Variants in TATDN3 observed in about 807,000 individuals in gnomAD.
TATDN3 encodes the protein deoxyribonuclease TATDN3.
A neutral mutation model predicts 40.1 loss-of-function variants in TATDN3; 29 were observed. The observed-to-expected ratio is 0.72, with a 90% CI of 0.54 to 0.99. The LOEUF is 0.99. Among genes scored for constraint, TATDN3 ranks in the 50% least tolerant of loss-of-function variants. TATDN3 has a pLI of 0.00. For missense variants in TATDN3, 309 were observed against 321.9 expected (o/e 0.96, Z 0.31); for synonymous variants, 105 against 117.0 (o/e 0.90, Z 0.66).
In TATDN3 at chr1:212,815,092, T is replaced by C. The variant is rs1172838305; in HGVS notation, c.761T>C (p.Ile254Thr). 3 of 1,614,192 alleles carry C rather than the reference T, an allele frequency of 1.9e-6. No homozygotes were observed. Among genetic ancestry groups the C allele is most frequent in the Admixed American group, 1.7e-5 (1 of 60,016 alleles). Residue 254 changes from isoleucine (I) to threonine (T), a missense_variant, in exon 10 of 10, where the codon ATA (isoleucine) becomes ACA (threonine). By Grantham distance (89) the Ile-to-Thr change is moderately conservative (BLOSUM62 -1). Coordinates refer to ENST00000366974, the MANE Select transcript of TATDN3 (RefSeq NM_001042552.3). ...AAAGGGATCTCAGTGGAAGAAGTTA[T>C]AGAAGTGACGACACAGAATGCATTA... is the stretch of plus-strand genomic sequence containing the variant. ...QVKGISVEEV[I>T]EVTTQNALKL...
At chr1:212,796,140 T>C in intron 2 of TATDN3, among the ~76,000 whole-genome samples, 1 of 152,272 alleles carries the variant, frequency 6.6e-6, no homozygotes, top group East Asian at 1.9e-4. Context: ...CAAAAAATGA[T>C]ACAGCCAGAA....
intron 6 of TATDN3, 58 bp from the exon 7 acceptor site, chr1:212,804,538 G>A: frequency 5.1e-6 from 8 of 1,580,464 alleles, no homozygotes; most frequent in Non-Finnish European, 6.9e-6. Flanking sequence ...TACTTTAATA[G>A]ATCAAAAACA....
chr1:212,815,528 CTT>C lies in TATDN3; in HGVS notation c.*385_*386del, dbSNP rs11322576. 120 of 147,888 alleles carry C rather than the reference CTT, an allele frequency of 8.1e-4. No individual in the cohort carries two copies. The highest frequency in any genetic ancestry group is 1.7e-3 in the South Asian group (8 of 4,698). 9.2% of individuals were successfully genotyped at this position (147,888 alleles called of 1,614,324 possible). ...TGAGGATGGAGTAAGCTAAAGTATA[CTT>C]TTTTTTTTTTTTGATGGAGTTTCGC... On this transcript the variant is annotated 3_prime_UTR_variant, in exon 10 of 10. Transcript: ENST00000366974.
rs1189899545 is a variant in TATDN3, at chr1:212,812,356, T to C, written c.681+28T>C. On this transcript the variant is annotated intron_variant, in intron 9 of 9. Coordinates refer to ENST00000366974, the MANE Select transcript of TATDN3 (RefSeq NM_001042552.3). Reference sequence around the variant, plus strand: ...AAATGGTTTTCTAATTTCTATATTATTTAGATTGTATCTTTCATTTGAGTT... The same window carrying C: ...AAATGGTTTTCTAATTTCTATATTACTTAGATTGTATCTTTCATTTGAGTT... 4 of 1,155,270 alleles carry C rather than the reference T, an allele frequency of 3.5e-6. No homozygotes were observed. In the African/African-American group the frequency reaches 6.3e-5, roughly 18 times the overall value. The allele number at this position is 1,155,270 out of a possible 1,614,324, so 71.6% of individuals were successfully genotyped here.
chr1:212,804,740 GA>G (rs1662357807), intron 7 of TATDN3, 89 bp downstream of exon 7: 1 of 1,238,046 alleles, frequency 8.1e-7, no homozygotes, highest in Non-Finnish European at 1.2e-6. Flanking sequence ...GTTTTAATCT[GA>G]TTTCTTGAAG....
intron 7 of TATDN3, among the ~76,000 whole-genome samples, chr1:212,804,910 C>T (rs755875921): frequency 6.6e-6 from 1 of 152,144 alleles, no homozygotes; most frequent in Non-Finnish European, 1.5e-5. Context: ...TAAAAATTAG[C>T]AGCTTCATAA....
In TATDN3 at chr1:212,803,141, A is replaced by T. The variant is rs987327447; in HGVS notation, c.321+378A>T. 2.6e-5 allele frequency among the ~76,000 whole-genome samples: 4 copies of T among 152,036 alleles called. No homozygotes were observed. The South Asian group carries it at 8.3e-4, about 32-fold the overall frequency. ...GTAATTAAAGAACTTTTTTATTTAA[A>T]TAATTTATAATTGTGAATTTTTTTT... On this transcript the variant is annotated intron_variant, in intron 5 of 9. Transcript: ENST00000366974.
intron 8 of TATDN3, among the ~76,000 whole-genome samples, chr1:212,808,953 G>A (rs958296459): frequency 5.3e-5 from 8 of 152,092 alleles, no homozygotes; most frequent in African/African-American, 1.7e-4. Context: ...CTAGATTTCC[G>A]TCAGCTGATG....
rs564869953 is a variant in TATDN3 at position 212,798,478 on chromosome 1, C to T, written c.258+1282C>T. Among the ~76,000 whole-genome samples the T allele has an allele frequency of 3.4e-4, 48 of 141,724 alleles. 2 individuals carry two copies. Among genetic ancestry groups the T allele is most frequent in the East Asian group, 2.6e-3 (12 of 4,700 alleles). 93.0% of individuals were successfully genotyped at this position (141,724 alleles called of 152,430 possible). A position where few individuals can be genotyped will look rare whatever the true frequency, so the allele number is the denominator to read the frequency against. On this transcript the variant is annotated intron_variant, in intron 4 of 9. Coordinates refer to ENST00000366974, the MANE Select transcript of TATDN3 (RefSeq NM_001042552.3). The stretch of plus-strand genomic sequence containing the variant: ...TTGGGAGGCCGAGATGGGAGGACCA[C>T]TTGAGCTCAGGAGTTCAAGACCAGC...
intron 1 of TATDN3, 126 bp downstream of exon 1, chr1:212,792,113 A>G (rs1213264661): frequency 6.5e-6 from 6 of 920,972 alleles, no homozygotes; most frequent in Non-Finnish European, 8.3e-6. Flanking sequence ...GTTTATGGCC[A>G]TATGACCTTG....
intron 3 of TATDN3, 103 bp from the exon 4 acceptor site, chr1:212,797,009 T>C: frequency 1.2e-6 from 1 of 859,122 alleles, no homozygotes; most frequent in Non-Finnish European, 1.9e-6. Flanking sequence ...GTGCTGGAAT[T>C]ACAGACATAA....
At chr1:212,807,093 G>A (rs1018812080) in intron 7 of TATDN3, among the ~76,000 whole-genome samples, 1 of 151,288 alleles carries the variant, frequency 6.6e-6, no homozygotes, top group African/African-American at 2.4e-5. Context: ...ACAGGTGCCT[G>A]CCACTACGCC....
In TATDN3 at chr1:212,791,911, G is replaced by T; in HGVS notation, c.-11G>T. On this transcript the variant is annotated 5_prime_UTR_variant, in exon 1 of 10. Coordinates refer to ENST00000366974, the MANE Select transcript of TATDN3 (RefSeq NM_001042552.3). ...TGCTGGCCGGTCTAAAGCGGCAGCCGCCGGGGCGCAATGCGAGCGGCTGGC... is the reference window on the plus strand; with the variant it reads ...TGCTGGCCGGTCTAAAGCGGCAGCCTCCGGGGCGCAATGCGAGCGGCTGGC... 1.9e-6 allele frequency: 3 copies of T among 1,613,052 alleles called. No homozygotes were observed. Among genetic ancestry groups the T allele is most frequent in the Non-Finnish European group, 2.5e-6 (3 of 1,179,620 alleles).
At chr1:212,811,582 A>C (rs1443206156) in intron 8 of TATDN3, among the ~76,000 whole-genome samples, 1 of 151,260 alleles carries the variant, frequency 6.6e-6, no homozygotes, top group Admixed American at 6.6e-5. Flanking sequence ...GAATAGTAAA[A>C]AATAATTTTT....
chr1:212,812,475 G>A, intron 9 of TATDN3, 147 bp downstream of exon 9: 1 of 545,508 alleles, frequency 1.8e-6, no homozygotes. Context: ...TTTATTTCAG[G>A]TCTTTCTAAA....
At position 212,807,824 on chromosome 1, in the gene TATDN3, C is replaced by A; in HGVS notation, c.576C>A (p.Pro192=). The change falls in exon 8 of 10, where the codon CCC becomes CCA. Residue 192 remains proline, a synonymous_variant. Coordinates refer to ENST00000366974, the MANE Select transcript of TATDN3 (RefSeq NM_001042552.3). ...GAGCTGGGTACTTCTTCTCAATTCC[C>A]CCTTCTATCATAAGAAGTGGACAGG... ...GVRAGYFFSI[P]PSIIRSGQKQ... is the part of the protein sequence containing the mutation. 2 of 1,612,922 alleles carry A rather than the reference C, an allele frequency of 1.2e-6. No homozygotes were observed. The highest frequency in any genetic ancestry group is 1.7e-6 in the Non-Finnish European group (2 of 1,179,562).
At chr1:212,810,543 C>T (rs1316547546) in intron 8 of TATDN3, among the ~76,000 whole-genome samples, 3 of 144,436 alleles carry the variant, frequency 2.1e-5, no homozygotes, top group Admixed American at 1.5e-4. Flanking sequence ...AAAAATTAGC[C>T]GAGTGTGGTG....
rs1034897597 is a variant in TATDN3 at position 212,813,963 on chromosome 1, C to A, written c.682-1050C>A. ...TTATAACTGATCTTTATGTGGTAAA[C>A]CTCTGTATATATATTTTTTTTGTTA... On this transcript the variant is annotated intron_variant, in intron 9 of 9. Transcript: ENST00000366974. Among the ~76,000 whole-genome samples the A allele has an allele frequency of 3.4e-5, 5 of 145,510 alleles. No homozygotes were observed. The East Asian group carries it at 9.9e-4, about 29-fold the overall frequency.
intron 2 of TATDN3, 30 bp downstream of exon 2, chr1:212,795,157 G>GT (rs1558075111): frequency 1.3e-6 from 2 of 1,593,022 alleles, no homozygotes; most frequent in African/African-American, 1.3e-5. Flanking sequence ...TGCTCTTTTG[G>GT]TTTTTTATTT....
Sources: gnomAD v4.1 joint callset for allele counts (sites outside exome capture counted in the v4.1 genomes callset) on GRCh38, gnomAD v4.1.1 for gene constraint, MANE v1.5 for transcripts, NCBI Gene and HGNC (gene_info 2026-07-23, HGNC 2026-07-21) for gene names.